CLASP1: variants seen among roughly 807,000 people sequenced by gnomAD.
The protein encoded by CLASP1 is CLIP-associating protein 1.
A neutral mutation model predicts 192.3 loss-of-function variants in CLASP1; 38 were observed. The observed-to-expected ratio is 0.20, with a 90% CI of 0.15 to 0.26. The LOEUF (loss-of-function observed/expected upper bound fraction) is 0.26, where lower values mean the gene tolerates loss of function less well. CLASP1 is among the 10% of genes least tolerant of loss of function. The pLI is 1.00. For missense variants in CLASP1, 1,433 were observed against 1,932.5 expected (o/e 0.74, Z 4.85); for synonymous variants, 691 against 712.8 (o/e 0.97, Z 0.49).
At chr2:121,600,076 T>A (rs1037030999) in intron 2 of CLASP1, among the ~76,000 whole-genome samples, 8 of 152,162 alleles carry the variant, frequency 5.3e-5, no homozygotes, top group Non-Finnish European at 1.0e-4. Flanking sequence ...AAATCTTGAC[T>A]TATAATTAAG....
rs772512086 is a variant in CLASP1 at position 121,515,617 on chromosome 2, G to C, written c.644+48C>G. 12 of 1,394,254 alleles carry C rather than the reference G, an allele frequency of 8.6e-6. No homozygotes were observed. In the South Asian group the frequency reaches 1.2e-4, roughly 13 times the overall value. 86.4% of individuals were successfully genotyped at this position (1,394,254 alleles called of 1,614,324 possible). On this transcript the variant is annotated intron_variant, in intron 7 of 39. Transcript: ENST00000263710. ...CAAGATATTAACTGGAAAACAAAGGGGGCGGGGGGTTGGGTAGAGCAGAAG... is the reference window on the plus strand; with the variant it reads ...CAAGATATTAACTGGAAAACAAAGGCGGCGGGGGGTTGGGTAGAGCAGAAG...
At chr2:121,531,036 G>T in intron 2 of CLASP1, 2 of 699,508 alleles carry the variant, frequency 2.9e-6, no homozygotes, top group South Asian at 1.5e-5. Context: ...AGACTTATCA[G>T]TTCAAACAGC....
chr2:121,582,283 G>C (rs2061266921), intron 2 of CLASP1, among the ~76,000 whole-genome samples: 1 of 151,046 alleles, frequency 6.6e-6, no homozygotes, highest in Non-Finnish European at 1.5e-5. Flanking sequence ...AAGGGAGAGA[G>C]AGAGAGAGAG....
intron 2 of CLASP1, among the ~76,000 whole-genome samples, chr2:121,599,884 A>C (rs2063597208): frequency 6.8e-6 from 1 of 146,620 alleles, no homozygotes; most frequent in African/African-American, 2.6e-5. Context: ...ACACCACTGC[A>C]CTCCAGCCTG....
At position 121,470,106 on chromosome 2, in the gene CLASP1, G is replaced by A. The variant is rs138940799; in HGVS notation, c.713-146C>T. The A allele has an allele frequency of 6.0e-4, 425 of 713,596 alleles. 2 individuals carry two copies. In the African/African-American group the frequency reaches 6.8e-3, roughly 11 times the overall value. The allele number at this position is 713,596 out of a possible 1,614,324, so 44.2% of individuals were successfully genotyped here. On this transcript the variant is annotated intron_variant, in intron 8 of 39. Transcript: ENST00000263710. Reference sequence around the variant, plus strand: ...TTGGAATCTGAGGTGCTCCTCTAGGGTCTGGAAAGCCTTAGGTTAAGCCCA... The same window carrying A: ...TTGGAATCTGAGGTGCTCCTCTAGGATCTGGAAAGCCTTAGGTTAAGCCCA...
At position 121,459,881 on chromosome 2, in the gene CLASP1, T is replaced by A. The variant is rs535579438; in HGVS notation, c.1178+99A>T. On this transcript the variant is annotated intron_variant, in intron 12 of 39. Transcript: ENST00000263710. ...TGGGTCTTGGAGACTAGTCAGAAGT[T>A]ACATTAAAGAGACCCAGCTCACATG... The A allele has an allele frequency of 9.5e-6, 11 of 1,152,294 alleles. No individual in the cohort carries two copies. The African/African-American group carries it at 1.5e-4, about 16-fold the overall frequency. The allele number at this position is 1,152,294 out of a possible 1,614,324, so 71.4% of individuals were successfully genotyped here.
chr2:121,449,402 G>A (rs1226299885), intron 16 of CLASP1, among the ~76,000 whole-genome samples: 1 of 152,134 alleles, frequency 6.6e-6, no homozygotes, highest in Non-Finnish European at 1.5e-5. Flanking sequence ...GGGAATCTTA[G>A]GGAAGGTGGA....
intron 19 of CLASP1, among the ~76,000 whole-genome samples, chr2:121,434,525 C>G (rs1169676404): frequency 6.6e-6 from 1 of 152,110 alleles, no homozygotes; most frequent in Non-Finnish European, 1.5e-5. Flanking sequence ...CTTGGCCTCC[C>G]AAAGTGCTCA....
chr2:121,499,362 GA>G (rs1211502767), intron 8 of CLASP1, among the ~76,000 whole-genome samples: 1 of 152,082 alleles, frequency 6.6e-6, no homozygotes, highest in Non-Finnish European at 1.5e-5. Context: ...AAAATGTCCT[GA>G]ATAGGCAAAT....
At chr2:121,590,730 T>C (rs1041382956) in intron 2 of CLASP1, among the ~76,000 whole-genome samples, 2 of 152,170 alleles carry the variant, frequency 1.3e-5, no homozygotes, top group African/African-American at 2.4e-5. Context: ...TCCAGAAATG[T>C]GTTTGAAAAA....
At chr2:121,642,597 T>C (rs980211595) in intron 1 of CLASP1, among the ~76,000 whole-genome samples, 2 of 151,820 alleles carry the variant, frequency 1.3e-5, no homozygotes, top group African/African-American at 4.8e-5. Context: ...CCGGGCGTGG[T>C]GGCGCACACC....
At chr2:121,557,003 C>T (rs1254758598) in intron 2 of CLASP1, among the ~76,000 whole-genome samples, 2 of 152,132 alleles carry the variant, frequency 1.3e-5, no homozygotes, top group Admixed American at 6.5e-5. Flanking sequence ...CTTGCATAAT[C>T]GGGGCAACTG....
chr2:121,339,501 GA>G (rs1361101850), exon 40 of CLASP1: 1 of 152,182 alleles, frequency 6.6e-6, no homozygotes, highest in Non-Finnish European at 1.5e-5. Flanking sequence ...ATTGCATTAA[GA>G]ATTTCCATTT....
intron 2 of CLASP1, among the ~76,000 whole-genome samples, chr2:121,594,390 T>G (rs954064746): frequency 7.0e-6 from 1 of 142,466 alleles, no homozygotes; most frequent in Non-Finnish European, 1.5e-5. Flanking sequence ...GTATTAATAG[T>G]CTATCAATTT....
At chr2:121,508,691 T>A (rs769278208) in intron 7 of CLASP1, among the ~76,000 whole-genome samples, 50 of 152,318 alleles carry the variant, frequency 3.3e-4, no homozygotes, top group Non-Finnish European at 3.8e-4. Context: ...TCCTCCTGCC[T>A]CAGCTTCCCC....
chr2:121,470,293 CTTTTTTT>C (rs70954550), intron 8 of CLASP1: 803 of 308,412 alleles, frequency 2.6e-3, no homozygotes, highest in East Asian at 9.7e-3. Context: ...ACCATCCATG[CTTTTTTT>C]TTTTTTTTTT....
At chr2:121,624,832 T>C (rs2068022457) in intron 1 of CLASP1, among the ~76,000 whole-genome samples, 1 of 152,280 alleles carries the variant, frequency 6.6e-6, no homozygotes, top group African/African-American at 2.4e-5. Flanking sequence ...TACATTCACA[T>C]TGTTTGCAAC....
Position 121,483,549 on chromosome 2 carries a change from T to C in CLASP1, c.713-13589A>G, listed in dbSNP as rs561509892. 3.6e-4 allele frequency among the ~76,000 whole-genome samples: 54 copies of C among 151,294 alleles called. 1 individual carries two copies. The highest frequency in any genetic ancestry group is 1.3e-3 in the Admixed American group (20 of 15,222). On this transcript the variant is annotated intron_variant, in intron 8 of 39. Transcript: ENST00000263710. ...GTGTATATATATGTATGTATATATG[T>C]GTGTGTATATATATGTATGTATATA...
intron 2 of CLASP1, among the ~76,000 whole-genome samples, chr2:121,579,859 C>A (rs2060939370): frequency 6.6e-6 from 1 of 152,146 alleles, no homozygotes; most frequent in Admixed American, 6.5e-5. Context: ...GCAGCAATTA[C>A]CACGAAAAAA....
Sources: allele counts gnomAD v4.1 joint callset (sites outside exome capture counted in the v4.1 genomes callset), GRCh38; gene constraint gnomAD v4.1.1; transcripts MANE v1.5; gene names NCBI Gene and HGNC (gene_info 2026-07-23, HGNC 2026-07-21).